KALRN: variants seen among roughly 807,000 people sequenced by gnomAD.
KALRN encodes kalirin.
In KALRN, 70 loss-of-function variants were observed where a neutral mutation model predicts 353.7. The observed-to-expected ratio is 0.20, with a 90% CI of 0.16 to 0.24. KALRN has a LOEUF of 0.24. Among genes scored for constraint, KALRN ranks in the 10% least tolerant of loss-of-function variants. The pLI is 1.00. For missense variants in KALRN, 2,791 were observed against 3,756.7 expected, an observed-to-expected ratio of 0.74 and a Z score of 6.72; for synonymous variants, 1,391 against 1,434.8, an observed-to-expected ratio of 0.97 and a Z score of 0.69.
At chr3:124,379,404 T>C (rs963417542) in intron 10 of KALRN, among the ~76,000 whole-genome samples, 3 of 152,212 alleles carry the variant, frequency 2.0e-5, no homozygotes, top group Non-Finnish European at 2.9e-5. Flanking sequence ...GCACGCCTGG[T>C]AATTTTTTAC....
intron 2 of KALRN, among the ~76,000 whole-genome samples, chr3:124,228,541 T>A (rs1033997335): frequency 6.6e-6 from 1 of 152,248 alleles, no homozygotes; most frequent in African/African-American, 2.4e-5. Context: ...AATATTTATA[T>A]CTGACTTCTC....
At chr3:124,536,726 A>C (rs2039834247) in intron 33 of KALRN, among the ~76,000 whole-genome samples, 1 of 152,208 alleles carries the variant, frequency 6.6e-6, no homozygotes, top group Non-Finnish European at 1.5e-5. Flanking sequence ...TTAACATTTA[A>C]AATATATTTT....
intron 47 of KALRN, among the ~76,000 whole-genome samples, chr3:124,670,077 T>C (rs2086211840): frequency 6.6e-6 from 1 of 152,034 alleles, no homozygotes; most frequent in African/African-American, 2.4e-5. Context: ...TTCAAGCGAT[T>C]CTCATGCTTC....
At chr3:124,227,951 T>C (rs1349870182) in intron 1 of KALRN, 39 bp from the exon 2 acceptor site, 7 of 1,549,184 alleles carry the variant, frequency 4.5e-6, no homozygotes, top group Non-Finnish European at 6.2e-6. Context: ...GCCAGCTGGC[T>C]CCTCTCACCC....
intron 32 of KALRN, among the ~76,000 whole-genome samples, chr3:124,495,996 T>C (rs1561137112): frequency 8.7e-5 from 5 of 57,408 alleles, no homozygotes; most frequent in African/African-American, 2.7e-4. Context: ...TATATATATA[T>C]ATATATATAT....
intron 36 of KALRN, among the ~76,000 whole-genome samples, chr3:124,635,605 A>G (rs1487351214): frequency 1.3e-5 from 2 of 152,172 alleles, no homozygotes; most frequent in African/African-American, 4.8e-5. Context: ...ATGGAGTTGG[A>G]TGTATTAAAA....
intron 3 of KALRN, among the ~76,000 whole-genome samples, chr3:124,242,067 T>C (rs1160630033): frequency 6.6e-6 from 1 of 152,106 alleles, no homozygotes; most frequent in Non-Finnish European, 1.5e-5. Context: ...TAGTTACTAA[T>C]AGGCAATAAA....
At chr3:124,195,836 C>A (rs1217074053) in intron 1 of KALRN, among the ~76,000 whole-genome samples, 1 of 152,248 alleles carries the variant, frequency 6.6e-6, no homozygotes, top group Non-Finnish European at 1.5e-5. Flanking sequence ...ATTTCAGACG[C>A]TTGCATCAAA....
At chr3:124,432,251 A>G (rs1388299620) in intron 16 of KALRN, among the ~76,000 whole-genome samples, 2 of 150,068 alleles carry the variant, frequency 1.3e-5, no homozygotes, top group African/African-American at 4.9e-5. Flanking sequence ...TCTACTGAAA[A>G]TACAAAAAAA....
intron 4 of KALRN, among the ~76,000 whole-genome samples, chr3:124,265,729 TG>T (rs2073446428): frequency 6.6e-6 from 1 of 152,202 alleles, no homozygotes; most frequent in Admixed American, 6.5e-5. Context: ...TATATACACA[TG>T]TGCATAAATA....
At chr3:124,663,906 C>T (rs2085220902) in intron 45 of KALRN, among the ~76,000 whole-genome samples, 2 of 152,146 alleles carry the variant, frequency 1.3e-5, no homozygotes, top group African/African-American at 4.8e-5. Flanking sequence ...TTCTCTTCTC[C>T]TCCTTGCCCT....
At position 124,658,027 on chromosome 3, in the gene KALRN, G is replaced by A. The variant is rs540513981; in HGVS notation, c.6036+224G>A. ...AAATTAACCAAGGCTGGTGGCACAT[G>A]CCTATAGTCCTAGCCACTTGGGGGG... On this transcript the variant is annotated intron_variant, in intron 41 of 59. Coordinates refer to ENST00000682506, the MANE Select transcript of KALRN (RefSeq NM_001388419.1). Among the ~76,000 whole-genome samples, 250 of 152,274 alleles carry A rather than the reference G, an allele frequency of 1.6e-3. 1 individual carries two copies. The highest frequency in any genetic ancestry group is 5.8e-3 in the African/African-American group (240 of 41,556).
At chr3:124,075,342 G>T (rs986263801) in intron 1 of KALRN, among the ~76,000 whole-genome samples, 2 of 152,162 alleles carry the variant, frequency 1.3e-5, no homozygotes, top group Non-Finnish European at 2.9e-5. Flanking sequence ...TGCCCTCACT[G>T]CAGTTTCAAC....
intron 10 of KALRN, among the ~76,000 whole-genome samples, chr3:124,368,846 G>A (rs75009433): frequency 0.12 from 17,699 of 152,248 alleles, 1,266 homozygotes; most frequent in Non-Finnish European, 0.16. Flanking sequence ...GATCACTCGC[G>A]GTTAGGGGCT....
intron 10 of KALRN, among the ~76,000 whole-genome samples, chr3:124,370,597 C>T (rs1267015078): frequency 2.0e-5 from 3 of 152,182 alleles, no homozygotes; most frequent in Non-Finnish European, 4.4e-5. Flanking sequence ...TCTTGGTAGC[C>T]ATTGCTTTGA....
intron 1 of KALRN, among the ~76,000 whole-genome samples, chr3:124,171,372 G>T (rs928549492): frequency 2.0e-5 from 3 of 152,174 alleles, no homozygotes; most frequent in African/African-American, 2.4e-5. Flanking sequence ...CTGGCAATTG[G>T]TGCTGGTTGT....
At chr3:124,249,410 G>C (rs1010079692) in intron 3 of KALRN, among the ~76,000 whole-genome samples, 2 of 152,212 alleles carry the variant, frequency 1.3e-5, no homozygotes, top group South Asian at 2.1e-4. Flanking sequence ...AAAGGAAATA[G>C]ATGAATTGGA....
chr3:124,121,206 GATGCAGGAGT>G (rs1457680248), intron 1 of KALRN, among the ~76,000 whole-genome samples: 2 of 151,448 alleles, frequency 1.3e-5, no homozygotes, highest in Non-Finnish European at 2.9e-5. Flanking sequence ...ATCTGTGAAA[GATGCAGGAGT>G]ATAAACAGTA....
At chr3:124,321,437 G>A (rs777682544) in intron 6 of KALRN, among the ~76,000 whole-genome samples, 1 of 152,256 alleles carries the variant, frequency 6.6e-6, no homozygotes, top group Non-Finnish European at 1.5e-5. Context: ...TTAATGGAAA[G>A]CTATCATTAT....
Sources: gnomAD v4.1 joint callset for allele counts (sites outside exome capture counted in the v4.1 genomes callset) on GRCh38, gnomAD v4.1.1 for gene constraint, MANE v1.5 for transcripts, NCBI Gene and HGNC (gene_info 2026-07-23, HGNC 2026-07-21) for gene names.